Variants in C11orf65 observed in about 807,000 individuals in gnomAD.
The protein encoded by C11orf65 is chromosome 11 open reading frame 65.
C11orf65 carries 38 observed loss-of-function variants against 35.3 expected under a neutral mutation model. The ratio of observed to expected loss-of-function variants is 1.08; its 90% CI spans 0.83 to 1.41. The LOEUF is 1.41. C11orf65 is among the 40% of genes most tolerant of loss of function. The pLI, the probability that C11orf65 is intolerant of heterozygous loss-of-function variation, is 0.00. For synonymous variants in C11orf65, 105 were observed against 114.4 expected, an observed-to-expected ratio of 0.92 and a Z score of 0.53; for missense variants, 370 against 367.1, an observed-to-expected ratio of 1.01 and a Z score of -0.06.
chr11:108,353,697 C>G (rs1286252456), intron 2 of C11orf65: 5 of 1,279,094 alleles, frequency 3.9e-6, no homozygotes, highest in Non-Finnish European at 5.7e-6. Context: ...TTGTAAAGTT[C>G]ACATTCTAAC....
In C11orf65 at chr11:108,343,330, C is replaced by T. The variant is rs1174335574; in HGVS notation, c.227-8038G>A. On this transcript the variant is annotated intron_variant, in intron 2 of 3. Coordinates refer to the C11orf65 transcript ENST00000524755. ...AGATGGTGCTCATAAAAGATACAGG[C>T]CAAATGATTTCAGTGCCTTTCAGTG... is the stretch of plus-strand genomic sequence containing the variant. The T allele has an allele frequency of 1.9e-6, 3 of 1,613,872 alleles. No homozygotes were observed. Among genetic ancestry groups the T allele is most frequent in the Non-Finnish European group, 8.5e-7 (1 of 1,179,908 alleles).
At chr11:108,318,815 GT>G (rs2084972101) in intron 6 of C11orf65, among the ~76,000 whole-genome samples, 2 of 152,092 alleles carry the variant, frequency 1.3e-5, no homozygotes, top group South Asian at 2.1e-4. Context: ...TTTATGTAAA[GT>G]TTTTTGATAA....
chr11:108,341,423 T>G (rs1019631132), intron 2 of C11orf65, among the ~76,000 whole-genome samples: 1 of 152,144 alleles, frequency 6.6e-6, no homozygotes, highest in East Asian at 1.9e-4. Context: ...AGGATATATG[T>G]TCCTCACCAG....
At chr11:108,310,428 A>C (rs2084053372) in intron 6 of C11orf65, 3 of 1,032,708 alleles carry the variant, frequency 2.9e-6, no homozygotes, top group Non-Finnish European at 4.1e-6. Context: ...GATATTTTAG[A>C]TAGAAATTTT....
At chr11:108,454,626 T>G (rs1434093607) in intron 2 of C11orf65, among the ~76,000 whole-genome samples, 1 of 152,034 alleles carries the variant, frequency 6.6e-6, no homozygotes, top group Non-Finnish European at 1.5e-5. Flanking sequence ...TATTTATTTA[T>G]TTATTTATTT....
intron 2 of C11orf65, among the ~76,000 whole-genome samples, chr11:108,440,991 C>A (rs2093144438): frequency 6.6e-6 from 1 of 152,082 alleles, no homozygotes; most frequent in Admixed American, 6.6e-5. Context: ...GTGGGTGCAG[C>A]CCAAGGAGCA....
intron 2 of C11orf65, among the ~76,000 whole-genome samples, chr11:108,437,496 G>C (rs1486384079): frequency 6.6e-6 from 1 of 151,896 alleles, no homozygotes; most frequent in Non-Finnish European, 1.5e-5. Context: ...ATGAGGTCAA[G>C]AGATCGAAAC....
At chr11:108,347,660 C>T (rs1565568244) in intron 2 of C11orf65, among the ~76,000 whole-genome samples, 1 of 152,022 alleles carries the variant, frequency 6.6e-6, no homozygotes, top group Non-Finnish European at 1.5e-5. Context: ...CAGGGCTATT[C>T]CACCAAAACA....
intron 6 of C11orf65, among the ~76,000 whole-genome samples, chr11:108,398,334 C>T (rs1284623029): frequency 1.3e-5 from 2 of 152,040 alleles, no homozygotes; most frequent in African/African-American, 2.4e-5. Context: ...TACATGTAGG[C>T]ACTAAAAGAG....
chr11:108,451,118 C>G (rs1458636444), intron 2 of C11orf65, among the ~76,000 whole-genome samples: 1 of 151,972 alleles, frequency 6.6e-6, no homozygotes, highest in Non-Finnish European at 1.5e-5. Flanking sequence ...TGCCCTCTCT[C>G]ACCACTCCTA....
At chr11:108,371,022 G>T (rs965760561) in intron 2 of C11orf65, among the ~76,000 whole-genome samples, 5 of 152,088 alleles carry the variant, frequency 3.3e-5, no homozygotes, top group Non-Finnish European at 5.9e-5. Flanking sequence ...TTAAAGCTTA[G>T]CAATCAACAT....
rs1565499989 is a variant in C11orf65, at chr11:108,316,100, C to A, written c.641-7029G>T. On this transcript the variant is annotated intron_variant, in intron 6 of 6. Transcript: ENST00000525729. ...GCAATCCCCTCATCAACACGCCAGG[C>A]AGGAATCATTCAGGTACATTTTTTC... is the stretch of plus-strand genomic sequence containing the variant. The A allele has an allele frequency of 6.2e-7, 1 of 1,614,016 alleles. No homozygotes were observed. Among genetic ancestry groups the A allele is most frequent in the African/African-American group, 1.3e-5 (1 of 75,012 alleles).
intron 3 of C11orf65, chr11:108,333,806 G>A (rs986133075): frequency 1.5e-5 from 17 of 1,104,630 alleles, no homozygotes; most frequent in Non-Finnish European, 2.4e-5. Flanking sequence ...TGGGGCCAGT[G>A]GTATCTGCTG....
intron 6 of C11orf65, chr11:108,312,536 A>G (rs1377403073): frequency 1.4e-6 from 2 of 1,439,444 alleles, no homozygotes; most frequent in African/African-American, 2.8e-5. Context: ...GACAGTATTT[A>G]TCTCATACTT....
Position 108,337,630 on chromosome 11 carries a change from G to A in C11orf65, c.227-2338C>T, listed in dbSNP as rs368997541. On this transcript the variant is annotated intron_variant, in intron 2 of 3. Transcript: ENST00000524755. ...CACTTTGAGACCCACCAGTCTACTTGTTCTACCATCTATTGACCTGACTTC... is the reference window on the plus strand; with the variant it reads ...CACTTTGAGACCCACCAGTCTACTTATTCTACCATCTATTGACCTGACTTC... Among the ~76,000 whole-genome samples, 69 of 152,282 alleles carry A rather than the reference G, an allele frequency of 4.5e-4. 7 individuals are homozygous for A. The highest frequency in any genetic ancestry group is 2.8e-3 in the Admixed American group (43 of 15,294).
At chr11:108,381,263 C>T (rs1490171462), downstream of C11orf65, among the ~76,000 whole-genome samples, 1 of 152,172 alleles carries the variant, frequency 6.6e-6, no homozygotes, top group Non-Finnish European at 1.5e-5. Context: ...GGAATTTGTG[C>T]TTCTTGTTCC....
intron 6 of C11orf65, among the ~76,000 whole-genome samples, chr11:108,404,261 A>G (rs2092496021): frequency 6.6e-6 from 1 of 152,226 alleles, no homozygotes; most frequent in South Asian, 2.1e-4. Flanking sequence ...TGTATATGGA[A>G]CTTCCTGTGA....
chr11:108,354,980 G>C (rs1163141561), intron 2 of C11orf65: 1 of 971,130 alleles, frequency 1.0e-6, no homozygotes, highest in Non-Finnish European at 1.6e-6. Context: ...TTTAACATAG[G>C]GGGATGTGGC....
At position 108,385,983 on chromosome 11, in the gene C11orf65, C is replaced by T. The variant is rs199935999; in HGVS notation, c.732-8G>A. 8 of 1,610,874 alleles carry T rather than the reference C, an allele frequency of 5.0e-6. No homozygotes were observed. The highest frequency in any genetic ancestry group is 4.4e-5 in the South Asian group (4 of 90,816). On this transcript the variant is annotated splice_region_variant and splice_polypyrimidine_tract_variant and intron_variant, in intron 7 of 8. Coordinates refer to ENST00000393084, the MANE Select transcript of C11orf65 (RefSeq NM_152587.5). ...TTCCAGCTGGCAATGTACCTAAGCA[C>T]ATTATATGAGGATTCATTAAATTTA...
Sources: allele counts gnomAD v4.1 joint callset (sites outside exome capture counted in the v4.1 genomes callset), GRCh38; gene constraint gnomAD v4.1.1; transcripts MANE v1.5; gene names NCBI Gene and HGNC (gene_info 2026-07-23, HGNC 2026-07-21).